Variants in DGKI observed in about 807,000 individuals in gnomAD.
The protein encoded by DGKI is DAG kinase iota.
In DGKI, 55 loss-of-function variants were observed where a neutral mutation model predicts 147.5. That is an observed-to-expected ratio of 0.37 (90% CI 0.30 to 0.47). The LOEUF is 0.47. Among genes scored for constraint, DGKI ranks in the 20% least tolerant of loss-of-function variants. The pLI, the probability that DGKI is intolerant of heterozygous loss-of-function variation, is 1.00. For missense variants in DGKI, 1,007 were observed against 1,323.8 expected, an observed-to-expected ratio of 0.76 and a Z score of 3.71; for synonymous variants, 469 against 477.1, an observed-to-expected ratio of 0.98 and a Z score of 0.22.
chr7:137,708,257 C>T (rs1794102414), intron 1 of DGKI, among the ~76,000 whole-genome samples: 1 of 152,212 alleles, frequency 6.6e-6, no homozygotes, highest in Non-Finnish European at 1.5e-5. Context: ...TCTCTTTGAG[C>T]CTCTCGCCCT....
intron 1 of DGKI, among the ~76,000 whole-genome samples, chr7:137,799,236 T>G (rs1366674974): frequency 6.6e-6 from 1 of 152,152 alleles, no homozygotes; most frequent in Non-Finnish European, 1.5e-5. Flanking sequence ...ATTATTATGT[T>G]AAATGAAAGA....
chr7:137,813,220 G>A (rs1394599633), intron 1 of DGKI, among the ~76,000 whole-genome samples: 1 of 152,180 alleles, frequency 6.6e-6, no homozygotes, highest in Non-Finnish European at 1.5e-5. Context: ...AAGACAAAGT[G>A]CAGACAGTCA....
intron 28 of DGKI, among the ~76,000 whole-genome samples, chr7:137,432,880 T>C (rs1563016148): frequency 6.6e-6 from 1 of 152,198 alleles, no homozygotes. Context: ...CCATATCCCA[T>C]ACTCTTGTGG....
intron 2 of DGKI, 26 bp from the exon 3 acceptor site, chr7:137,678,678 T>C: frequency 6.2e-7 from 1 of 1,603,886 alleles, no homozygotes; most frequent in South Asian, 1.1e-5. Context: ...CCACCTGACA[T>C]CAATTTTTTT....
intron 1 of DGKI, among the ~76,000 whole-genome samples, chr7:137,783,216 ACAAAT>A (rs1408855380): frequency 6.6e-6 from 1 of 152,222 alleles, no homozygotes; most frequent in Admixed American, 6.5e-5. Context: ...TCCAACTTAA[ACAAAT>A]CAAAAACGTG....
chr7:137,663,557 G>T (rs553418586), intron 3 of DGKI, among the ~76,000 whole-genome samples: 4 of 152,302 alleles, frequency 2.6e-5, no homozygotes, highest in African/African-American at 9.6e-5. Flanking sequence ...CTGGGCTCCT[G>T]GGTGTCTATG....
intron 1 of DGKI, among the ~76,000 whole-genome samples, chr7:137,835,568 A>G (rs180767741): frequency 6.6e-6 from 1 of 152,248 alleles, no homozygotes; most frequent in East Asian, 1.9e-4. Context: ...GCCTGACTCT[A>G]TCTCTACCTG....
chr7:137,553,570 A>G (rs1168359665), intron 19 of DGKI, among the ~76,000 whole-genome samples: 1 of 152,194 alleles, frequency 6.6e-6, no homozygotes, highest in Non-Finnish European at 1.5e-5. Flanking sequence ...AAATGTATTT[A>G]GTATTATTTA....
intron 20 of DGKI, among the ~76,000 whole-genome samples, chr7:137,548,275 T>G (rs768034897): frequency 2.0e-5 from 3 of 152,050 alleles, no homozygotes; most frequent in Non-Finnish European, 4.4e-5. Context: ...AAGATAGAGT[T>G]CAAAGAATGT....
chr7:137,399,647 C>T (rs183523123), intron 30 of DGKI, among the ~76,000 whole-genome samples: 369 of 152,290 alleles, frequency 2.4e-3, no homozygotes, highest in African/African-American at 8.3e-3. Context: ...TGGTGGCTCA[C>T]GCCTGTTATC....
intron 18 of DGKI, among the ~76,000 whole-genome samples, chr7:137,572,340 G>T (rs533016642): frequency 1.3e-5 from 2 of 152,316 alleles, no homozygotes; most frequent in Non-Finnish European, 2.9e-5. Context: ...ATTTTTCAAA[G>T]AAATCATCTG....
At chr7:137,783,378 T>C (rs1438827423) in intron 1 of DGKI, among the ~76,000 whole-genome samples, 2 of 152,238 alleles carry the variant, frequency 1.3e-5, no homozygotes, top group South Asian at 4.1e-4. Context: ...AGGAAGAATT[T>C]CAAAGCTCAA....
At chr7:137,823,542 C>T (rs1298884851) in intron 1 of DGKI, among the ~76,000 whole-genome samples, 1 of 152,186 alleles carries the variant, frequency 6.6e-6, no homozygotes, top group Non-Finnish European at 1.5e-5. Flanking sequence ...GGGGAAAAAA[C>T]CTCATTGAGG....
intron 1 of DGKI, among the ~76,000 whole-genome samples, chr7:137,745,266 G>A (rs539718693): frequency 3.7e-4 from 57 of 152,296 alleles, no homozygotes; most frequent in African/African-American, 1.3e-3. Flanking sequence ...GTAGATGGAA[G>A]GCAGTGAGTA....
chr7:137,472,398 T>TTATATGTATATATACATATACA (rs1815009030), intron 23 of DGKI, among the ~76,000 whole-genome samples: 1 of 107,346 alleles, frequency 9.3e-6, no homozygotes, highest in Non-Finnish European at 1.8e-5. Context: ...CATATTATAA[T>TTATATGTATATATACATATACA]TATTATATGT....
chr7:137,425,796 T>C (rs1276789005), intron 28 of DGKI, among the ~76,000 whole-genome samples: 2 of 152,044 alleles, frequency 1.3e-5, no homozygotes, highest in African/African-American at 4.8e-5. Context: ...AGAAAGGGTA[T>C]CAGTGATGGA....
chr7:137,433,955 T>TA (rs796401336), intron 28 of DGKI, among the ~76,000 whole-genome samples: 6 of 151,850 alleles, frequency 4.0e-5, no homozygotes, highest in African/African-American at 1.4e-4. Context: ...TCATCTCTAG[T>TA]AAAAAACACA....
chr7:137,433,706 A>G (rs1381705526), intron 28 of DGKI, among the ~76,000 whole-genome samples: 1 of 152,234 alleles, frequency 6.6e-6, no homozygotes, highest in Non-Finnish European at 1.5e-5. Flanking sequence ...AGAGTCAGAG[A>G]TTTCTCATTT....
In DGKI at chr7:137,469,062, A is replaced by T. The variant is rs918459250; in HGVS notation, c.2443+488T>A. ...TCATAAGATAACTAACCTATTATGC[A>T]TGCAATATATCATGCGGATCTGAGC... On this transcript the variant is annotated intron_variant, in intron 24 of 32. Coordinates refer to ENST00000614521, the MANE Select transcript of DGKI (RefSeq NM_001321708.2). Among the ~76,000 whole-genome samples, 7 of 152,338 alleles carry T rather than the reference A, an allele frequency of 4.6e-5. 1 individual carries two copies. Among genetic ancestry groups the T allele is most frequent in the African/African-American group, 1.7e-4 (7 of 41,578 alleles).
Sources: gnomAD v4.1 joint callset for allele counts (sites outside exome capture counted in the v4.1 genomes callset) on GRCh38, gnomAD v4.1.1 for gene constraint, MANE v1.5 for transcripts, NCBI Gene and HGNC (gene_info 2026-07-23, HGNC 2026-07-21) for gene names.